DAB1: variants seen among roughly 807,000 people sequenced by gnomAD.
DAB1 encodes disabled homolog 1.
Under a neutral mutation model 64.6 loss-of-function variants are expected in DAB1, and 15 were observed. That is an observed-to-expected ratio of 0.23 (90% confidence interval 0.16 to 0.36). The LOEUF (loss-of-function observed/expected upper bound fraction) is 0.36, where lower values mean the gene tolerates loss of function less well. Among genes scored for constraint, DAB1 ranks in the 10% least tolerant of loss-of-function variants. DAB1 has a pLI of 1.00. For missense variants in DAB1, 596 were observed against 706.7 expected (o/e 0.84, Z 1.78); for synonymous variants, 235 against 251.9 (o/e 0.93, Z 0.64).
intron 9 of DAB1, among the ~76,000 whole-genome samples, chr1:57,040,597 C>T (rs1033278453): frequency 6.6e-6 from 1 of 152,194 alleles, no homozygotes; most frequent in Admixed American, 6.5e-5. Flanking sequence ...GGCATTGCTA[C>T]TTTAATGGCT....
chr1:57,080,969 A>C (rs1335753976), intron 4 of DAB1, among the ~76,000 whole-genome samples: 2 of 152,298 alleles, frequency 1.3e-5, no homozygotes, highest in East Asian at 3.9e-4. Context: ...TTCTGGAGAC[A>C]CTAAGATGAG....
intron 2 of DAB1, among the ~76,000 whole-genome samples, chr1:57,266,112 C>T (rs866984927): frequency 2.0e-5 from 3 of 152,160 alleles, no homozygotes; most frequent in South Asian, 2.1e-4. Flanking sequence ...CATCTGCACA[C>T]AAGGGAAGAA....
chr1:57,819,800 G>A (rs748910358), intron 6 of DAB1, among the ~76,000 whole-genome samples: 41 of 152,254 alleles, frequency 2.7e-4, no homozygotes, highest in Admixed American at 7.2e-4. Flanking sequence ...AAAGTAAAAA[G>A]AGGCACCAAA....
intron 4 of DAB1, among the ~76,000 whole-genome samples, chr1:58,334,877 T>G (rs1375246343): frequency 6.6e-6 from 1 of 152,062 alleles, no homozygotes; most frequent in Non-Finnish European, 1.5e-5. Context: ...TCATATTCTA[T>G]TCATTCAATC....
chr1:57,033,424 G>C (rs753500539), intron 9 of DAB1: 3 of 1,612,932 alleles, frequency 1.9e-6, no homozygotes, highest in Non-Finnish European at 1.7e-6. Context: ...TCTGTGGGCA[G>C]GTTTCTGTTC....
At chr1:57,862,782 C>T (rs1373676923) in intron 1 of DAB1, 1 of 152,062 alleles carries the variant, frequency 6.6e-6, no homozygotes, top group Non-Finnish European at 1.5e-5. Context: ...TCAGACTAAC[C>T]AGGTGTTGGC....
chr1:57,532,844 A>T (rs1329672501), intron 7 of DAB1, among the ~76,000 whole-genome samples: 1 of 152,244 alleles, frequency 6.6e-6, no homozygotes, highest in Admixed American at 6.5e-5. Flanking sequence ...CAGCTATAGT[A>T]GTTAACATTT....
chr1:58,140,225 T>G (rs1654202184), intron 5 of DAB1, among the ~76,000 whole-genome samples: 1 of 152,220 alleles, frequency 6.6e-6, no homozygotes, highest in African/African-American at 2.4e-5. Flanking sequence ...AATAGAAGAA[T>G]GATACTTTCT....
At chr1:57,721,905 T>C (rs758964133) in intron 6 of DAB1, among the ~76,000 whole-genome samples, 1 of 152,168 alleles carries the variant, frequency 6.6e-6, no homozygotes, top group African/African-American at 2.4e-5. Flanking sequence ...TGATTCCCAT[T>C]ACAAAGATGA....
intron 6 of DAB1, among the ~76,000 whole-genome samples, chr1:57,770,843 T>C (rs1008325161): frequency 6.6e-6 from 1 of 151,992 alleles, no homozygotes; most frequent in Non-Finnish European, 1.5e-5. Context: ...GGGTGAAAAA[T>C]AGGCTAGGAT....
At chr1:57,459,685 A>C (rs535104966) in intron 7 of DAB1, among the ~76,000 whole-genome samples, 103 of 152,332 alleles carry the variant, frequency 6.8e-4, no homozygotes, top group African/African-American at 2.4e-3. Context: ...TAGAACAGTC[A>C]CCAGATCCAC....
intron 1 of DAB1, among the ~76,000 whole-genome samples, chr1:57,403,194 G>A (rs1437148762): frequency 2.0e-5 from 3 of 152,146 alleles, no homozygotes; most frequent in African/African-American, 7.2e-5. Context: ...GACTGGTTCA[G>A]GAATGAGAAT....
intron 4 of DAB1, among the ~76,000 whole-genome samples, chr1:58,196,925 T>A (rs1403948365): frequency 1.3e-5 from 2 of 152,246 alleles, no homozygotes; most frequent in Non-Finnish European, 2.9e-5. Flanking sequence ...TGCACACAGC[T>A]AAACTACATG....
chr1:58,112,552 C>G (rs76140053), intron 5 of DAB1, among the ~76,000 whole-genome samples: 4,105 of 152,202 alleles, frequency 0.027, 167 homozygotes, highest in African/African-American at 0.093. Context: ...CTCAAAGATG[C>G]ATATCAAAGA....
At chr1:57,133,736 T>A (rs1214093599) in intron 4 of DAB1, among the ~76,000 whole-genome samples, 1 of 152,166 alleles carries the variant, frequency 6.6e-6, no homozygotes, top group African/African-American at 2.4e-5. Context: ...GTTTCTTTTC[T>A]TGGTTTTTAA....
intron 2 of DAB1, among the ~76,000 whole-genome samples, chr1:57,185,071 A>T (rs554475696): frequency 6.6e-5 from 10 of 151,332 alleles, no homozygotes; most frequent in African/African-American, 2.4e-4. Flanking sequence ...GAGACCACCA[A>T]CCTCTTGCTC....
intron 5 of DAB1, among the ~76,000 whole-genome samples, chr1:57,944,568 G>C (rs996838321): frequency 6.6e-6 from 1 of 152,160 alleles, no homozygotes; most frequent in African/African-American, 2.4e-5. Context: ...ATATTTGAAA[G>C]CTACTACTTG....
chr1:57,025,979 A>G lies in DAB1; in HGVS notation c.786+2T>C. 1 of 1,575,470 alleles carries G rather than the reference A, an allele frequency of 6.3e-7. No homozygotes were observed. Among genetic ancestry groups the G allele is most frequent in the East Asian group, 2.4e-5 (1 of 41,914 alleles). On this transcript the variant is annotated splice_donor_variant, in intron 10 of 14. Transcript: ENST00000371236. LOFTEE classifies it high-confidence loss of function. ...AGGGTTCAGAGAGCAATGCATACTT[A>G]CGGGGGGAGAGGTTATATCAGGGGG...
chr1:58,006,265 G>C (rs1646581285), intron 5 of DAB1, among the ~76,000 whole-genome samples: 1 of 152,208 alleles, frequency 6.6e-6, no homozygotes, highest in South Asian at 2.1e-4. Flanking sequence ...ATTACTTAGA[G>C]ATTGAGTGAC....
Sources: gnomAD v4.1 joint callset for allele counts (sites outside exome capture counted in the v4.1 genomes callset) on GRCh38, gnomAD v4.1.1 for gene constraint, MANE v1.5 for transcripts, NCBI Gene and HGNC (gene_info 2026-07-23, HGNC 2026-07-21) for gene names.